SPATA13: variants seen among roughly 807,000 people sequenced by gnomAD.
SPATA13 encodes the protein spermatogenesis associated 13, also known as spermatogenesis-associated protein 13.
SPATA13 carries 50 observed loss-of-function variants against 104.0 expected under a neutral mutation model. The ratio of observed to expected loss-of-function variants is 0.48; its 90% CI spans 0.38 to 0.61. The LOEUF is 0.61. Among genes scored for constraint, SPATA13 ranks in the 20% least tolerant of loss-of-function variants. The pLI is 0.00. For synonymous variants in SPATA13, 606 were observed against 667.5 expected (o/e 0.91, Z 1.42); for missense variants, 1,524 against 1,690.6 (o/e 0.90, Z 1.73).
intron 4 of SPATA13, among the ~76,000 whole-genome samples, chr13:24,257,611 C>CTTT (rs201620960): frequency 3.5e-5 from 5 of 143,536 alleles, no homozygotes; most frequent in South Asian, 2.2e-4. Flanking sequence ...TAAATTTTTA[C>CTTT]TTTTTTTTTT....
chr13:24,066,698 C>T (rs1187216618), intron 3 of SPATA13, among the ~76,000 whole-genome samples: 1 of 152,120 alleles, frequency 6.6e-6, no homozygotes, highest in African/African-American at 2.4e-5. Context: ...CCCCCACCTT[C>T]ATTCCCCTCC....
chr13:24,203,128 C>T (rs1870516650), intron 1 of SPATA13, among the ~76,000 whole-genome samples: 1 of 152,036 alleles, frequency 6.6e-6, no homozygotes. Context: ...CTCTCCTTCC[C>T]CCATCCCCTC....
chr13:24,072,015 T>C (rs1445628432), intron 3 of SPATA13, among the ~76,000 whole-genome samples: 4 of 152,180 alleles, frequency 2.6e-5, no homozygotes, highest in Non-Finnish European at 4.4e-5. Flanking sequence ...ATTCAATCCA[T>C]ATGCCGTCTT....
intron 3 of SPATA13, among the ~76,000 whole-genome samples, chr13:24,085,937 AG>A (rs1362261929): frequency 6.6e-6 from 1 of 152,274 alleles, no homozygotes; most frequent in Non-Finnish European, 1.5e-5. Context: ...CAGAGAAGCC[AG>A]AGAGGGTTTC....
At chr13:24,065,381 G>T (rs9507234) in intron 3 of SPATA13, among the ~76,000 whole-genome samples, 1 of 152,028 alleles carries the variant, frequency 6.6e-6, no homozygotes, top group Admixed American at 6.6e-5. Context: ...CTGTGAGCCT[G>T]CTTATGTTCC....
chr13:24,164,077 A>G (rs1882622104), intron 1 of SPATA13, among the ~76,000 whole-genome samples: 1 of 152,258 alleles, frequency 6.6e-6, no homozygotes, highest in Non-Finnish European at 1.5e-5. Context: ...ATGAACACCA[A>G]ATGTACATGG....
intron 1 of SPATA13, among the ~76,000 whole-genome samples, chr13:24,174,752 T>C (rs939160389): frequency 1.3e-5 from 2 of 152,052 alleles, no homozygotes; most frequent in Non-Finnish European, 1.5e-5. Context: ...AATATTTGAA[T>C]TTTTTTAGTA....
At chr13:24,129,508 G>A (rs906563498) in intron 3 of SPATA13, among the ~76,000 whole-genome samples, 14 of 152,158 alleles carry the variant, frequency 9.2e-5, no homozygotes, top group Non-Finnish European at 1.8e-4. Flanking sequence ...TTTGCAGACC[G>A]GAGGATTGCT....
intron 1 of SPATA13, among the ~76,000 whole-genome samples, chr13:24,196,192 T>C (rs927887521): frequency 1.3e-5 from 2 of 152,268 alleles, no homozygotes; most frequent in Admixed American, 6.5e-5. Context: ...AGGAGTATCA[T>C]AGTCAGTACT....
chr13:24,013,949 T>G (rs1211452638), intron 2 of SPATA13, among the ~76,000 whole-genome samples: 1 of 152,180 alleles, frequency 6.6e-6, no homozygotes, highest in East Asian at 1.9e-4. Flanking sequence ...TAAGCTGTTG[T>G]GCTGTACTGA....
At chr13:24,226,627 G>C (rs1871955990) in intron 2 of SPATA13, among the ~76,000 whole-genome samples, 1 of 152,186 alleles carries the variant, frequency 6.6e-6, no homozygotes, top group African/African-American at 2.4e-5. Flanking sequence ...AGATTGATTT[G>C]CAGGTATAGA....
intron 3 of SPATA13, among the ~76,000 whole-genome samples, chr13:24,045,059 C>T (rs1195428443): frequency 6.6e-6 from 1 of 152,130 alleles, no homozygotes; most frequent in Non-Finnish European, 1.5e-5. Context: ...TCCAGGGCGG[C>T]GGAGTTTGTA....
chr13:24,195,337 G>C (rs956479571), intron 1 of SPATA13, among the ~76,000 whole-genome samples: 8 of 152,232 alleles, frequency 5.3e-5, no homozygotes, highest in Non-Finnish European at 8.8e-5. Context: ...ATCAAATTTT[G>C]TTTATCCGTG....
intron 3 of SPATA13, among the ~76,000 whole-genome samples, chr13:24,140,023 C>T (rs1483649651): frequency 2.0e-5 from 3 of 148,378 alleles, no homozygotes; most frequent in South Asian, 2.1e-4. Flanking sequence ...GAGCCAAGGT[C>T]GTGCCACTGC....
In SPATA13 at chr13:24,251,973, G is replaced by A. The variant is rs992615735; in HGVS notation, c.2164+111G>A. 3.3e-5 allele frequency: 45 copies of A among 1,373,398 alleles called. No individual in the cohort carries two copies. The African/African-American group carries it at 4.5e-4, about 14-fold the overall frequency. The allele number at this position is 1,373,398 out of a possible 1,614,324, so 85.1% of individuals were successfully genotyped here. A position where few individuals can be genotyped will look rare whatever the true frequency, so the allele number is the denominator to read the frequency against. ...CTTCGCGCCTCCCTTGGGCCAGGGC[G>A]CGTTTGTCTGGGAGTGAGGACGGCT... On this transcript the variant is annotated intron_variant, in intron 4 of 12. Transcript: ENST00000382108.
chr13:23,987,639 G>A (rs920350514), intron 2 of SPATA13, among the ~76,000 whole-genome samples: 2 of 152,190 alleles, frequency 1.3e-5, no homozygotes, highest in African/African-American at 4.8e-5. Flanking sequence ...GATTTGAAAA[G>A]TTTGGTGTTT....
intron 1 of SPATA13, among the ~76,000 whole-genome samples, chr13:24,215,607 A>G (rs1454450601): frequency 1.3e-5 from 2 of 152,234 alleles, no homozygotes; most frequent in East Asian, 1.9e-4. Context: ...CAGCAAAAAT[A>G]AAATGCAACA....
chr13:24,063,112 C>T (rs1258029931), intron 3 of SPATA13, among the ~76,000 whole-genome samples: 1 of 149,650 alleles, frequency 6.7e-6, no homozygotes, highest in Non-Finnish European at 1.5e-5. Flanking sequence ...CCTCAGCCAG[C>T]CTGGACCAGG....
Position 24,173,511 on chromosome 13 carries a change from C to CCT in SPATA13, c.-112+12579_-112+12580insCT, listed in dbSNP as rs1555266308. Among the ~76,000 whole-genome samples, 12 of 136,176 alleles carry CCT rather than the reference C, an allele frequency of 8.8e-5. 1 individual carries two copies. Among genetic ancestry groups the CCT allele is most frequent in the South Asian group, 2.3e-4 (1 of 4,318 alleles). The allele number at this position is 136,176 out of a possible 152,430, so 89.3% of individuals were successfully genotyped here. A position where few individuals can be genotyped will look rare whatever the true frequency, so the allele number is the denominator to read the frequency against. On this transcript the variant is annotated intron_variant, in intron 1 of 12. Coordinates refer to ENST00000382108, the MANE Select transcript of SPATA13 (RefSeq NM_001166271.3). ...CCTTTTATTCCCCCCCGTCCCCCAA[C>CCT]TTTTTTTTTTTTTTGGCCTTATTGC...
Sources: gnomAD v4.1 joint callset for allele counts (sites outside exome capture counted in the v4.1 genomes callset) on GRCh38, gnomAD v4.1.1 for gene constraint, MANE v1.5 for transcripts, NCBI Gene and HGNC (gene_info 2026-07-23, HGNC 2026-07-21) for gene names.